Variants in PEPD observed in about 807,000 individuals in gnomAD.
PEPD encodes xaa-Pro dipeptidase.
In PEPD, 53 loss-of-function variants were observed where a neutral mutation model predicts 60.7. The ratio of observed to expected loss-of-function variants is 0.87; its 90% CI spans 0.70 to 1.10. PEPD has a LOEUF of 1.10. Among genes scored for constraint, PEPD ranks in the 50% least tolerant of loss-of-function variants. The pLI is 0.00. For missense variants in PEPD, 711 were observed against 711.9 expected (o/e 1.00, Z 0.01); for synonymous variants, 267 against 284.1 (o/e 0.94, Z 0.60).
Position 33,467,568 on chromosome 19 carries a change from G to C in PEPD, c.549-3506C>G, listed in dbSNP as rs1308344201. 2.6e-5 allele frequency among the ~76,000 whole-genome samples: 4 copies of C among 152,186 alleles called. No individual in the cohort carries two copies. In the South Asian group the frequency reaches 8.3e-4, roughly 31 times the overall value. On this transcript the variant is annotated intron_variant, in intron 7 of 14. Coordinates refer to ENST00000244137, the MANE Select transcript of PEPD (RefSeq NM_000285.4). ...GGCAAGATGGGGTGGAAAGTTCACG[G>C]AGCAAGAACTAAAGGAGGCTCAAAT...
chr19:33,520,026 T>C (rs1414355561), intron 1 of PEPD, among the ~76,000 whole-genome samples: 4 of 150,342 alleles, frequency 2.7e-5, no homozygotes, highest in African/African-American at 7.4e-5. Flanking sequence ...ATCATGCCAT[T>C]GCACTCCAGA....
At chr19:33,388,905 G>A (rs1006547069) in intron 13 of PEPD, 1 of 152,606 alleles carries the variant, frequency 6.6e-6, no homozygotes, top group Non-Finnish European at 1.5e-5. Context: ...GGAATTACAG[G>A]AGAGCTCCTG....
At chr19:33,503,761 C>T (rs1466340876) in intron 3 of PEPD, among the ~76,000 whole-genome samples, 2 of 152,222 alleles carry the variant, frequency 1.3e-5, no homozygotes, top group Non-Finnish European at 2.9e-5. Context: ...CCTCTAGCCC[C>T]CTCCCTTCAT....
intron 6 of PEPD, among the ~76,000 whole-genome samples, chr19:33,482,393 C>A (rs1280334958): frequency 6.6e-6 from 1 of 152,122 alleles, no homozygotes; most frequent in Non-Finnish European, 1.5e-5. Flanking sequence ...AAATCAAACA[C>A]CTTTTCATAA....
chr19:33,465,032 C>T (rs1325795325), intron 7 of PEPD, among the ~76,000 whole-genome samples: 1 of 152,172 alleles, frequency 6.6e-6, no homozygotes, highest in Non-Finnish European at 1.5e-5. Context: ...CTACTCTGTG[C>T]CTCGGTTTCC....
At chr19:33,484,119 C>T (rs1006336311) in intron 6 of PEPD, among the ~76,000 whole-genome samples, 1 of 152,168 alleles carries the variant, frequency 6.6e-6, no homozygotes, top group Non-Finnish European at 1.5e-5. Flanking sequence ...ACAAACAGAA[C>T]TATATGATTC....
intron 2 of PEPD, chr19:33,511,562 A>C (rs1970927642): frequency 6.3e-6 from 2 of 315,368 alleles, no homozygotes; most frequent in Non-Finnish European, 1.2e-5. Flanking sequence ...GGATTCCTCC[A>C]TTTAAGACTT....
At chr19:33,499,165 G>A (rs554992752) in intron 4 of PEPD, among the ~76,000 whole-genome samples, 7 of 152,234 alleles carry the variant, frequency 4.6e-5, no homozygotes, top group South Asian at 2.1e-4. Flanking sequence ...TGTACTCAAC[G>A]GGATCAATAT....
chr19:33,391,526 A>G (rs963188402), intron 12 of PEPD, 47 bp from the exon 13 acceptor site: 1 of 1,491,012 alleles, frequency 6.7e-7, no homozygotes, highest in African/African-American at 1.4e-5. Flanking sequence ...CCAGCAGCCA[A>G]CACCGCAGGG....
At chr19:33,454,868 C>T (rs1969767925) in intron 9 of PEPD, among the ~76,000 whole-genome samples, 2 of 152,180 alleles carry the variant, frequency 1.3e-5, no homozygotes, top group South Asian at 4.1e-4. Context: ...ATAAGTCATG[C>T]TGATGTGATG....
chr19:33,430,582 G>T (rs1268240080), intron 9 of PEPD, among the ~76,000 whole-genome samples: 1 of 152,084 alleles, frequency 6.6e-6, no homozygotes, highest in East Asian at 1.9e-4. Context: ...GCATCAAAGG[G>T]TTTTTTTCCT....
intron 9 of PEPD, among the ~76,000 whole-genome samples, chr19:33,443,973 TGC>T (rs750955961): frequency 6.6e-6 from 1 of 151,378 alleles, no homozygotes; most frequent in Non-Finnish European, 1.5e-5. Flanking sequence ...TGCACGCGCG[TGC>T]GCGCGCACAC....
chr19:33,415,771 C>T (rs1300864156), intron 9 of PEPD, among the ~76,000 whole-genome samples: 4 of 152,204 alleles, frequency 2.6e-5, no homozygotes, highest in Admixed American at 6.5e-5. Context: ...TTGCCGGCCA[C>T]GTTGACAACT....
At chr19:33,521,691 C>A (rs1330736928) in intron 1 of PEPD, 53 bp downstream of exon 1, 4 of 1,549,262 alleles carry the variant, frequency 2.6e-6, no homozygotes, top group Non-Finnish European at 3.5e-6. Context: ...GGCCGGGACA[C>A]CCATGCCCCT....
intron 9 of PEPD, among the ~76,000 whole-genome samples, chr19:33,436,210 A>AAGAGGG (rs142396451): frequency 2.0e-5 from 3 of 151,112 alleles, no homozygotes; most frequent in South Asian, 2.1e-4. Flanking sequence ...GAGGAAAGAG[A>AAGAGGG]AGAGGGAGAG....
rs1315544291 is a variant in PEPD, at chr19:33,464,038, C to G, written c.573G>C (p.Glu191Asp). Residue 191 changes from glutamate to aspartate, a missense_variant, in exon 8 of 15, where the codon GAG becomes GAC. Transcript: ENST00000244137. ...TATTGGTATAGCGCAGAACCTCCAGCTCCATATCCGTCTTAAACACTCGGC... is the reference window on the plus strand; with the variant it reads ...TATTGGTATAGCGCAGAACCTCCAGGTCCATATCCGTCTTAAACACTCGGC... ...VECRVFKTDM[E>D]LEVLRYTNKI... 1 of 1,613,434 alleles carries G rather than the reference C, an allele frequency of 6.2e-7. No individual in the cohort carries two copies. The highest frequency in any genetic ancestry group is 8.5e-7 in the Non-Finnish European group (1 of 1,179,484).
chr19:33,514,245 C>T (rs2145358403), intron 1 of PEPD, among the ~76,000 whole-genome samples: 1 of 152,212 alleles, frequency 6.6e-6, no homozygotes, highest in South Asian at 2.1e-4. Context: ...CAGGGACATC[C>T]CAGAGCTGGT....
intron 1 of PEPD, among the ~76,000 whole-genome samples, chr19:33,518,079 C>A (rs1971057089): frequency 6.6e-6 from 1 of 152,188 alleles, no homozygotes; most frequent in Non-Finnish European, 1.5e-5. Context: ...TGGGGCCAGG[C>A]ACCAGACAGA....
intron 1 of PEPD, among the ~76,000 whole-genome samples, chr19:33,516,638 G>A (rs554632335): frequency 3.9e-5 from 6 of 152,144 alleles, no homozygotes; most frequent in African/African-American, 9.6e-5. Flanking sequence ...CAACAGCCAC[G>A]TGCAGGGCTC....
Sources: allele counts gnomAD v4.1 joint callset (sites outside exome capture counted in the v4.1 genomes callset), GRCh38; gene constraint gnomAD v4.1.1; transcripts MANE v1.5; gene names NCBI Gene and HGNC (gene_info 2026-07-23, HGNC 2026-07-21).